Variants in VRK2 observed in about 807,000 individuals in gnomAD.
VRK2 encodes the protein VRK serine/threonine kinase 2.
Under a neutral mutation model 57.6 loss-of-function variants are expected in VRK2, and 60 were observed. That is an observed-to-expected ratio of 1.04 (90% CI 0.85 to 1.29). VRK2 has a LOEUF of 1.29. Ranked by LOEUF, VRK2 falls within the 50% of genes most tolerant of loss-of-function variation. The pLI is 0.00. For missense variants in VRK2, 705 were observed against 588.1 expected (o/e 1.20, Z -2.06); for synonymous variants, 231 against 199.2 (o/e 1.16, Z -1.35).
At chr2:57,914,203 A>G (rs1670076821) in intron 1 of VRK2, among the ~76,000 whole-genome samples, 3 of 151,858 alleles carry the variant, frequency 2.0e-5, no homozygotes, top group South Asian at 2.1e-4. Flanking sequence ...CTCTGAGGTC[A>G]GATAGCCAAG....
At chr2:58,008,063 C>T (rs1424346797) in intron 1 of VRK2, among the ~76,000 whole-genome samples, 2 of 152,020 alleles carry the variant, frequency 1.3e-5, no homozygotes, top group Admixed American at 6.6e-5. Flanking sequence ...TAAATAAACA[C>T]TGAACATTTT....
intron 1 of VRK2, among the ~76,000 whole-genome samples, chr2:57,959,976 T>G (rs1329631873): frequency 2.8e-5 from 4 of 144,406 alleles, no homozygotes; most frequent in African/African-American, 1.0e-4. Context: ...ATCCGAGCCC[T>G]GGGGTGAGAA....
rs1684821623 is a variant in VRK2 at position 58,159,816 on chromosome 2, A to G, written c.*123A>G. On this transcript the variant is annotated 3_prime_UTR_variant, in exon 13 of 13. Transcript: ENST00000340157. ...AGGTAATTGGCTTTAAAAAGAGAACATATTTTAACAAAGTTTGTGGACACT... is the reference window on the plus strand; with the variant it reads ...AGGTAATTGGCTTTAAAAAGAGAACGTATTTTAACAAAGTTTGTGGACACT... 6.2e-7 allele frequency: 1 copy of G among 1,611,968 alleles called. No individual in the cohort carries two copies. The highest frequency in any genetic ancestry group is 8.5e-7 in the Non-Finnish European group (1 of 1,179,210).
chr2:58,007,978 G>C (rs929036996), intron 1 of VRK2, among the ~76,000 whole-genome samples: 2 of 151,952 alleles, frequency 1.3e-5, no homozygotes, highest in African/African-American at 2.4e-5. Flanking sequence ...TAACAAACTT[G>C]TCTCTGTAAA....
At chr2:58,013,745 G>A (rs994724584) in intron 1 of VRK2, among the ~76,000 whole-genome samples, 1 of 150,560 alleles carries the variant, frequency 6.6e-6, no homozygotes, top group Non-Finnish European at 1.5e-5. Context: ...TGTAGTCCCA[G>A]CTACTCGGGA....
At chr2:57,999,638 T>C (rs1673029396) in intron 1 of VRK2, among the ~76,000 whole-genome samples, 1 of 152,224 alleles carries the variant, frequency 6.6e-6, no homozygotes, top group South Asian at 2.1e-4. Context: ...TTATTTTAAA[T>C]ACTGATTAAG....
intron 7 of VRK2, among the ~76,000 whole-genome samples, chr2:58,105,455 TC>T (rs1287020207): frequency 6.6e-6 from 1 of 151,926 alleles, no homozygotes; most frequent in Non-Finnish European, 1.5e-5. Context: ...ATGCTCAACA[TC>T]ACTAATCATC....
At chr2:58,021,269 A>C (rs992075769) in intron 1 of VRK2, among the ~76,000 whole-genome samples, 2 of 152,072 alleles carry the variant, frequency 1.3e-5, no homozygotes, top group African/African-American at 4.8e-5. Flanking sequence ...CTCCTTTCCA[A>C]GCTCACAGAT....
At chr2:57,927,123 TAAAC>T (rs1670566313) in intron 1 of VRK2, among the ~76,000 whole-genome samples, 2 of 151,770 alleles carry the variant, frequency 1.3e-5, no homozygotes, top group Non-Finnish European at 1.5e-5. Context: ...ATTAATTGCA[TAAAC>T]AAACAAGCAA....
At chr2:58,133,495 A>T (rs558929722) in intron 9 of VRK2, among the ~76,000 whole-genome samples, 1 of 152,316 alleles carries the variant, frequency 6.6e-6, no homozygotes, top group Non-Finnish European at 1.5e-5. Context: ...ATGACACTGA[A>T]ATTCCCCATA....
At chr2:58,040,494 C>T (rs1180135072) in intron 3 of VRK2, among the ~76,000 whole-genome samples, 4 of 152,180 alleles carry the variant, frequency 2.6e-5, no homozygotes, top group Non-Finnish European at 4.4e-5. Flanking sequence ...ACACTGTTTA[C>T]ATTAAAACAT....
rs369097322 is a variant in VRK2 at position 58,016,481 on chromosome 2, T to C, written c.-438-9184T>C. Among the ~76,000 whole-genome samples the C allele has an allele frequency of 6.1e-4, 93 of 152,098 alleles. 2 individuals carry two copies. The South Asian group carries it at 0.019, about 31-fold the overall frequency. ...GATTCTCCTGCCTCAGCCTCCCGAG[T>C]AGCTGGGATTACAGGTGCACACCAC... On this transcript the variant is annotated intron_variant, in intron 1 of 15. Coordinates refer to the VRK2 transcript ENST00000417641.
chr2:58,144,827 C>G (rs1681873317), intron 11 of VRK2, among the ~76,000 whole-genome samples: 1 of 151,936 alleles, frequency 6.6e-6, no homozygotes, highest in African/African-American at 2.4e-5. Flanking sequence ...TGGTTTTGAG[C>G]TGGGATCCTG....
intron 12 of VRK2, among the ~76,000 whole-genome samples, chr2:58,149,996 CTTTTTTT>C (rs55783668): frequency 2.8e-5 from 3 of 108,346 alleles, no homozygotes; most frequent in Non-Finnish European, 5.8e-5. Context: ...TTTTTCTTTT[CTTTTTTT>C]TTTTTTTTTT....
In VRK2 at chr2:58,058,153, T is replaced by C. The variant is rs547925340; in HGVS notation, c.136+9186T>C. Among the ~76,000 whole-genome samples the C allele has an allele frequency of 1.1e-4, 16 of 152,252 alleles. No homozygotes were observed. The East Asian group carries it at 3.1e-3, about 29-fold the overall frequency. ...GGGCTCAAAGTTAAATGAACATTTA[T>C]ACATTTTAAAATCAAATGAAAGATT... On this transcript the variant is annotated intron_variant, in intron 2 of 12. Transcript: ENST00000340157.
At chr2:58,090,714 C>T (rs923249571) in intron 7 of VRK2, among the ~76,000 whole-genome samples, 1 of 152,150 alleles carries the variant, frequency 6.6e-6, no homozygotes, top group Non-Finnish European at 1.5e-5. Context: ...TTAGTATTTA[C>T]CCAAATGAGT....
At chr2:58,115,426 AC>A (rs544360144) in intron 7 of VRK2, among the ~76,000 whole-genome samples, 1,804 of 152,240 alleles carry the variant, frequency 0.012, 37 homozygotes, top group African/African-American at 0.041. Context: ...TTTGGAAGTT[AC>A]GAGAAATGTA....
At chr2:57,985,216 A>G (rs752610620) in intron 1 of VRK2, among the ~76,000 whole-genome samples, 17 of 152,052 alleles carry the variant, frequency 1.1e-4, no homozygotes, top group Non-Finnish European at 2.4e-4. Context: ...ATGCAATCAT[A>G]AAGTCTAAAG....
chr2:58,159,900 GT>G, downstream of VRK2: 1 of 1,558,142 alleles, frequency 6.4e-7, no homozygotes. Context: ...TCATAGTACA[GT>G]TTGGAAAACA....
Sources: gnomAD v4.1 joint callset for allele counts (sites outside exome capture counted in the v4.1 genomes callset) on GRCh38, gnomAD v4.1.1 for gene constraint, MANE v1.5 for transcripts, NCBI Gene and HGNC (gene_info 2026-07-23, HGNC 2026-07-21) for gene names.